Variants in RGS3 observed in about 807,000 individuals in gnomAD.
RGS3 encodes the protein regulator of G protein signaling 3, also known as regulator of G-protein signalling 3.
A neutral mutation model predicts 132.6 loss-of-function variants in RGS3; 80 were observed. The ratio of observed to expected loss-of-function variants is 0.60; its 90% confidence interval spans 0.50 to 0.73. The LOEUF is 0.73. Among genes scored for constraint, RGS3 ranks in the 30% least tolerant of loss-of-function variants. RGS3 has a pLI of 0.00. For missense variants in RGS3, 1,382 were observed against 1,530.8 expected, an observed-to-expected ratio of 0.90 and a Z score of 1.62; for synonymous variants, 598 against 620.6, an observed-to-expected ratio of 0.96 and a Z score of 0.54.
At chr9:113,528,491 C>T (rs74871120) in intron 17 of RGS3, among the ~76,000 whole-genome samples, 1 of 152,222 alleles carries the variant, frequency 6.6e-6, no homozygotes, top group Non-Finnish European at 1.5e-5. Context: ...TTCCCAGAAG[C>T]TGGGTGTCAT....
intron 15 of RGS3, among the ~76,000 whole-genome samples, chr9:113,515,370 G>A (rs766876677): frequency 2.1e-4 from 32 of 151,894 alleles, no homozygotes; most frequent in Non-Finnish European, 3.7e-4. Flanking sequence ...GGTGGCTCAC[G>A]CCTGTAATCC....
intron 7 of RGS3, among the ~76,000 whole-genome samples, chr9:113,487,533 T>C (rs1443651376): frequency 2.0e-5 from 3 of 152,184 alleles, no homozygotes; most frequent in South Asian, 2.1e-4. Context: ...CAGTTAACAA[T>C]AGAGCCGGGA....
chr9:113,445,923 C>A (rs1829089346), intron 1 of RGS3, among the ~76,000 whole-genome samples: 1 of 152,178 alleles, frequency 6.6e-6, no homozygotes, highest in South Asian at 2.1e-4. Context: ...AAGTAATCCG[C>A]CCACCTTGAG....
chr9:113,510,906 G>A (rs1831373810), intron 14 of RGS3, among the ~76,000 whole-genome samples: 1 of 152,148 alleles, frequency 6.6e-6, no homozygotes, highest in Non-Finnish European at 1.5e-5. Context: ...GAAATTCAGG[G>A]CACACAATTT....
intron 17 of RGS3, among the ~76,000 whole-genome samples, chr9:113,523,298 G>A (rs1832050673): frequency 6.6e-6 from 1 of 152,174 alleles, no homozygotes; most frequent in South Asian, 2.1e-4. Flanking sequence ...GGTAGGAAGA[G>A]CTTTGGATTC....
chr9:113,584,165 T>C (rs1356461034), exon 20 of RGS3: 1 of 1,614,180 alleles, frequency 6.2e-7, no homozygotes. Flanking sequence ...CGCAGCAGCA[T>C]GATCGAGACG....
chr9:113,595,116 A>G, intron 23 of RGS3, 136 bp downstream of exon 21: 1 of 835,942 alleles, frequency 1.2e-6, no homozygotes. Context: ...GCTGTTGCGG[A>G]GGGGCTGAGC....
chr9:113,584,078 A>T, exon 20 of RGS3: 1 of 1,614,032 alleles, frequency 6.2e-7, no homozygotes, highest in Middle Eastern at 1.7e-4. Context: ...GAGGAGGTGG[A>T]GGAGGGGGAG....
intron 7 of RGS3, among the ~76,000 whole-genome samples, chr9:113,490,682 AAT>A (rs1830478832): frequency 6.9e-6 from 1 of 144,156 alleles, no homozygotes; most frequent in Non-Finnish European, 1.5e-5. Context: ...TAATATATAA[AAT>A]ATAATATATT....
intron 18 of RGS3, among the ~76,000 whole-genome samples, chr9:113,530,270 C>G (rs1415237468): frequency 2.6e-5 from 4 of 152,154 alleles, no homozygotes; most frequent in Admixed American, 2.0e-4. Context: ...TTGAACAGCC[C>G]CCTGGAGGAG....
At chr9:113,459,996 G>A (rs1588129981), upstream of RGS3, among the ~76,000 whole-genome samples, 5 of 148,796 alleles carry the variant, frequency 3.4e-5, no homozygotes, top group Admixed American at 3.4e-4. Context: ...AGCAGAGATC[G>A]CACCACTGCA....
intron 15 of RGS3, chr9:113,517,272 G>A (rs910436164): frequency 5.0e-6 from 3 of 601,166 alleles, no homozygotes; most frequent in Non-Finnish European, 9.4e-6. Context: ...CTAAGCCTGT[G>A]GTTAGACTTC....
intron 19 of RGS3, among the ~76,000 whole-genome samples, chr9:113,545,121 G>T (rs958383542): frequency 1.3e-5 from 2 of 152,168 alleles, no homozygotes; most frequent in Admixed American, 6.5e-5. Flanking sequence ...CTCTGGAATG[G>T]TTAGGTTACA....
chr9:113,552,271 T>C (rs748385048), intron 19 of RGS3, among the ~76,000 whole-genome samples: 3 of 152,208 alleles, frequency 2.0e-5, no homozygotes, highest in Non-Finnish European at 2.9e-5. Flanking sequence ...TACCCTCTTA[T>C]TAGTTTTCTT....
chr9:113,485,904 C>A (rs778643141), intron 7 of RGS3, among the ~76,000 whole-genome samples: 1 of 152,182 alleles, frequency 6.6e-6, no homozygotes, highest in Non-Finnish European at 1.5e-5. Flanking sequence ...GCTGAGCACT[C>A]GGTATCAAAC....
intron 19 of RGS3, among the ~76,000 whole-genome samples, chr9:113,577,376 A>C (rs1295730706): frequency 6.6e-6 from 1 of 152,178 alleles, no homozygotes; most frequent in Admixed American, 6.5e-5. Context: ...CAACCTCCCT[A>C]GTAAAAAGAT....
At chr9:113,458,918 T>C (rs1298915492), upstream of RGS3, among the ~76,000 whole-genome samples, 1 of 152,068 alleles carries the variant, frequency 6.6e-6, no homozygotes, top group Admixed American at 6.6e-5. Flanking sequence ...CACCTGACTA[T>C]CTTTTGTATT....
chr9:113,472,471 A>G (rs1829864903), intron 3 of RGS3, among the ~76,000 whole-genome samples: 3 of 152,248 alleles, frequency 2.0e-5, no homozygotes. Flanking sequence ...ACGTGCTACA[A>G]TATGGGTGAA....
At chr9:113,594,305 A>G (rs778165474) in intron 21 of RGS3, 125 bp from the exon 20 acceptor site, 11 of 1,594,760 alleles carry the variant, frequency 6.9e-6, no homozygotes, top group Non-Finnish European at 7.7e-6. Flanking sequence ...CTCACTCGCA[A>G]CGGGAACCTG....
Sources: allele counts gnomAD v4.1 joint callset (sites outside exome capture counted in the v4.1 genomes callset), GRCh38; gene constraint gnomAD v4.1.1; transcripts MANE v1.5; gene names NCBI Gene and HGNC (gene_info 2026-07-23, HGNC 2026-07-21).